Variants in CCDC18 observed in about 807,000 individuals in gnomAD.
CCDC18 encodes coiled-coil domain-containing protein 18.
In CCDC18, 157 loss-of-function variants were observed where a neutral mutation model predicts 196.0. That is an observed-to-expected ratio of 0.80 (90% CI 0.70 to 0.91). The LOEUF is 0.91. Among genes scored for constraint, CCDC18 ranks in the 40% least tolerant of loss-of-function variants. The pLI, the probability that CCDC18 is intolerant of heterozygous loss-of-function variation, is 0.00. For missense variants in CCDC18, 1,465 were observed against 1,611.6 expected (o/e 0.91, Z 1.56); for synonymous variants, 482 against 529.2 (o/e 0.91, Z 1.22).
chr1:93,264,911 C>G lies in CCDC18; in HGVS notation c.3885+10C>G. On this transcript the variant is annotated intron_variant, in intron 27 of 28. Transcript: ENST00000690025. ...AGCATTACTTACTAAAGTAAGTAAA[C>G]ATATAAAAGTAATAAAGCATATCTA... is the stretch of plus-strand genomic sequence containing the variant. The G allele has an allele frequency of 6.6e-7, 1 of 1,523,472 alleles. No individual in the cohort carries two copies. Among genetic ancestry groups the G allele is most frequent in the Non-Finnish European group, 9.1e-7 (1 of 1,098,178 alleles). 94.4% of individuals were successfully genotyped at this position (1,523,472 alleles called of 1,614,324 possible). A position where few individuals can be genotyped will look rare whatever the true frequency, so the allele number is the denominator to read the frequency against.
chr1:93,198,715 A>G (rs971181635), intron 6 of CCDC18, among the ~76,000 whole-genome samples: 3 of 152,164 alleles, frequency 2.0e-5, no homozygotes, highest in African/African-American at 7.2e-5. Flanking sequence ...TGCTGTGGTC[A>G]TGGCTCACAG....
intron 28 of CCDC18, among the ~76,000 whole-genome samples, chr1:93,277,857 T>G (rs1665709197): frequency 6.6e-6 from 1 of 152,206 alleles, no homozygotes; most frequent in Non-Finnish European, 1.5e-5. Flanking sequence ...GCTCTCAAAC[T>G]ATAACATGAC....
At chr1:93,217,965 C>A in intron 14 of CCDC18, 96 bp downstream of exon 14, 1 of 1,038,580 alleles carries the variant, frequency 9.6e-7, no homozygotes, top group Non-Finnish European at 1.4e-6. Context: ...CACAAAGATA[C>A]ACAAAAGTTA....
rs373970047 is a variant in CCDC18, at chr1:93,241,143, C to T, written c.2981+1247C>T. On this transcript the variant is annotated intron_variant, in intron 21 of 28. Transcript: ENST00000690025. ...CTAATTTTTGTATTGTTAATAGAGGCGGGGTTTCACCACGTTGGCCAGACT... is the reference window on the plus strand; with the variant it reads ...CTAATTTTTGTATTGTTAATAGAGGTGGGGTTTCACCACGTTGGCCAGACT... Among the ~76,000 whole-genome samples, 39 of 151,934 alleles carry T rather than the reference C, an allele frequency of 2.6e-4. No individual in the cohort carries two copies. In the South Asian group the frequency reaches 3.3e-3, roughly 13 times the overall value.
At chr1:93,216,595 C>A in intron 12 of CCDC18, 41 bp from the exon 13 acceptor site, 1 of 1,054,420 alleles carries the variant, frequency 9.5e-7, no homozygotes, top group Non-Finnish European at 1.4e-6. Flanking sequence ...AAATCATTAC[C>A]TTTAAAAAAT....
intron 14 of CCDC18, among the ~76,000 whole-genome samples, chr1:93,218,312 A>G (rs1381460925): frequency 2.0e-5 from 3 of 152,240 alleles, no homozygotes; most frequent in African/African-American, 7.2e-5. Flanking sequence ...GCCTGAAACC[A>G]CAGATAGTAC....
chr1:93,246,848 TG>T lies in CCDC18; in HGVS notation c.3094del (p.Asp1032IlefsTer2), dbSNP rs1276246560. ...LKQRAAQVTH[L>X]DMTIREHRGE... ...AAGGTTATTTTTTAGGTTACACATT[TG>T]GATATGACTATTCGTGAGCACAGAG... On this transcript the variant is annotated frameshift_variant, in exon 23 of 29. Coordinates refer to ENST00000690025, the MANE Select transcript of CCDC18 (RefSeq NM_001378204.1). LOFTEE classifies it high-confidence loss of function. The T allele has an allele frequency of 6.8e-7, 1 of 1,461,712 alleles. No individual in the cohort carries two copies. Among genetic ancestry groups the T allele is most frequent in the South Asian group, 1.2e-5 (1 of 84,360 alleles). 90.5% of individuals were successfully genotyped at this position (1,461,712 alleles called of 1,614,324 possible).
intron 26 of CCDC18, among the ~76,000 whole-genome samples, chr1:93,260,072 T>G (rs1033566884): frequency 6.6e-6 from 1 of 152,142 alleles, no homozygotes; most frequent in Non-Finnish European, 1.5e-5. Flanking sequence ...CCACTCAGCC[T>G]CTAAGTAGCT....
At chr1:93,261,765 AATT>A (rs1292752605) in intron 26 of CCDC18, among the ~76,000 whole-genome samples, 1 of 152,122 alleles carries the variant, frequency 6.6e-6, no homozygotes, top group East Asian at 1.9e-4. Context: ...TTTTAGACAT[AATT>A]ATTTCATCTG....
In CCDC18 at chr1:93,236,284, G is replaced by A; in HGVS notation, c.2497G>A (p.Glu833Lys). ...KLEQELQKQR[E>K]SSAEKLRKME... The stretch of plus-strand genomic sequence containing the variant: ...GGAACAAGAACTTCAAAAACAAAGG[G>A]AAAGTTCAGCTGAAAAGTTGAGAAA... Residue 833 changes from glutamate (E) to lysine (K), a missense_variant, in exon 19 of 29, where the codon GAA becomes AAA. Glu to Lys is a moderately conservative substitution (Grantham distance 56). Coordinates refer to ENST00000690025, the MANE Select transcript of CCDC18 (RefSeq NM_001378204.1). 1 of 1,576,866 alleles carries A rather than the reference G, an allele frequency of 6.3e-7. No homozygotes were observed. The highest frequency in any genetic ancestry group is 2.0e-5 in the Admixed American group (1 of 49,090).
chr1:93,276,628 A>T (rs1665635277), intron 28 of CCDC18, among the ~76,000 whole-genome samples: 1 of 152,218 alleles, frequency 6.6e-6, no homozygotes, highest in Non-Finnish European at 1.5e-5. Flanking sequence ...GAGTACAGGT[A>T]ATACCTAGAG....
At chr1:93,216,294 T>C (rs1026086293) in intron 12 of CCDC18, among the ~76,000 whole-genome samples, 4 of 152,244 alleles carry the variant, frequency 2.6e-5, no homozygotes, top group East Asian at 1.9e-4. Flanking sequence ...ATTGTACTTA[T>C]TTCAGTCTTT....
upstream of CCDC18, chr1:93,180,374 G>A (rs976174221): frequency 1.6e-5 from 21 of 1,287,158 alleles, no homozygotes; most frequent in African/African-American, 6.2e-5. Context: ...CGGCCGCGGC[G>A]GCGGCGAACA....
At chr1:93,260,364 A>G (rs1365705415) in intron 26 of CCDC18, among the ~76,000 whole-genome samples, 2 of 152,210 alleles carry the variant, frequency 1.3e-5, no homozygotes, top group East Asian at 3.8e-4. Context: ...AGTCTGCGTG[A>G]CAAGAGTGAA....
At chr1:93,212,590 T>C (rs1273769760) in intron 11 of CCDC18, among the ~76,000 whole-genome samples, 8 of 152,196 alleles carry the variant, frequency 5.3e-5, no homozygotes, top group Non-Finnish European at 1.2e-4. Flanking sequence ...TTATCAACTG[T>C]TTGGTTTCTA....
Position 93,250,162 on chromosome 1 carries a change from C to A in CCDC18, c.3198+3208C>A, listed in dbSNP as rs534308554. On this transcript the variant is annotated intron_variant, in intron 23 of 28. Coordinates refer to ENST00000690025, the MANE Select transcript of CCDC18 (RefSeq NM_001378204.1). ...ATATTTATGTATTCTGGATAATATT[C>A]CATGTGCAGATAAGAATGTGAGCCT... Among the ~76,000 whole-genome samples, 30 of 151,462 alleles carry A rather than the reference C, an allele frequency of 2.0e-4. No individual in the cohort carries two copies. The South Asian group carries it at 6.1e-3, about 31-fold the overall frequency.
intron 23 of CCDC18, among the ~76,000 whole-genome samples, chr1:93,252,019 GTCTA>G (rs55887771): frequency 1.2e-3 from 174 of 150,364 alleles, no homozygotes; most frequent in African/African-American, 2.0e-3. Context: ...CTATCTGTCT[GTCTA>G]TCTATCTATC....
chr1:93,225,110 T>C (rs1309427106), intron 16 of CCDC18, among the ~76,000 whole-genome samples: 1 of 152,150 alleles, frequency 6.6e-6, no homozygotes, highest in Non-Finnish European at 1.5e-5. Context: ...TTTTTCTCGT[T>C]TTTTCATCTG....
intron 6 of CCDC18, among the ~76,000 whole-genome samples, chr1:93,199,315 G>A (rs529119221): frequency 1.2e-4 from 19 of 152,346 alleles, no homozygotes; most frequent in Admixed American, 5.2e-4. Flanking sequence ...CAGGCATGCC[G>A]GCTGTGGTGG....
Sources: allele counts gnomAD v4.1 joint callset (sites outside exome capture counted in the v4.1 genomes callset), GRCh38; gene constraint gnomAD v4.1.1; transcripts MANE v1.5; gene names NCBI Gene and HGNC (gene_info 2026-07-23, HGNC 2026-07-21).